PBRM1: variants seen among roughly 807,000 people sequenced by gnomAD.
PBRM1 encodes polybromo 1, also known as protein polybromo-1.
A neutral mutation model predicts 194.5 loss-of-function variants in PBRM1; 27 were observed. The observed-to-expected ratio is 0.14, with a 90% CI of 0.10 to 0.19. PBRM1 has a LOEUF of 0.19. Ranked by LOEUF, PBRM1 falls within the 10% of genes least tolerant of loss-of-function variation. PBRM1 has a pLI of 1.00. For missense variants in PBRM1, 1,466 were observed against 2,077.2 expected (o/e 0.71, Z 5.72); for synonymous variants, 655 against 693.2 (o/e 0.94, Z 0.87).
At chr3:52,647,486 A>G (rs1255120595) in intron 7 of PBRM1, among the ~76,000 whole-genome samples, 42 of 121,664 alleles carry the variant, frequency 3.5e-4, no homozygotes, top group Non-Finnish European at 6.5e-4. Flanking sequence ...ATATATATAT[A>G]TATGTAGTAT....
At chr3:52,647,780 C>T (rs1380016903) in intron 7 of PBRM1, among the ~76,000 whole-genome samples, 1 of 151,798 alleles carries the variant, frequency 6.6e-6, no homozygotes, top group East Asian at 1.9e-4. Context: ...TGGCAACAGG[C>T]AAACACAGAG....
At chr3:52,559,021 A>C (rs2082824101) in intron 25 of PBRM1, among the ~76,000 whole-genome samples, 1 of 152,224 alleles carries the variant, frequency 6.6e-6, no homozygotes, top group Admixed American at 6.5e-5. Context: ...TGAAGCAAAG[A>C]AGTCATGTTT....
At chr3:52,665,815 A>G (rs183258430) in intron 3 of PBRM1, among the ~76,000 whole-genome samples, 2 of 152,286 alleles carry the variant, frequency 1.3e-5, no homozygotes, top group African/African-American at 4.8e-5. Context: ...CTTGGGGACC[A>G]CTGTTCTATC....
chr3:52,639,194 T>G (rs961158263), intron 10 of PBRM1, among the ~76,000 whole-genome samples: 1 of 152,154 alleles, frequency 6.6e-6, no homozygotes, highest in African/African-American at 2.4e-5. Flanking sequence ...CAGGATGGTC[T>G]CGAACTCCCA....
At chr3:52,561,676 TG>T in intron 25 of PBRM1, 90 bp downstream of exon 27, 1 of 1,087,216 alleles carries the variant, frequency 9.2e-7, no homozygotes, top group Non-Finnish European at 1.4e-6. Context: ...CATGTGCAAG[TG>T]GTAAGAACAA....
chr3:52,556,519 C>T (rs2082257342), intron 26 of PBRM1, among the ~76,000 whole-genome samples: 2 of 152,174 alleles, frequency 1.3e-5, no homozygotes, highest in African/African-American at 4.8e-5. Context: ...CCCATCTGAA[C>T]GCAGCCTTCA....
chr3:52,657,714 C>T (rs1457386708), intron 5 of PBRM1, among the ~76,000 whole-genome samples: 1 of 152,094 alleles, frequency 6.6e-6, no homozygotes, highest in Non-Finnish European at 1.5e-5. Flanking sequence ...AGGTGATCTG[C>T]CTGTCTTGGC....
intron 10 of PBRM1, 105 bp downstream of exon 11, chr3:52,641,849 A>G (rs1478648866): frequency 1.3e-6 from 1 of 781,930 alleles, no homozygotes; most frequent in East Asian, 2.4e-5. Flanking sequence ...AATAGCATGT[A>G]CTTCCCAAAC....
chr3:52,597,876 G>C (rs2093690474), intron 17 of PBRM1, among the ~76,000 whole-genome samples: 1 of 152,116 alleles, frequency 6.6e-6, no homozygotes, highest in Admixed American at 6.5e-5. Flanking sequence ...GCTAATTTTT[G>C]TATTTTTAGT....
At chr3:52,586,230 G>C (rs1342052455) in intron 20 of PBRM1, 195 bp downstream of exon 22, 4 of 513,904 alleles carry the variant, frequency 7.8e-6, no homozygotes. Flanking sequence ...CAATGCACTT[G>C]GCCTGATTTA....
chr3:52,587,643 A>T, intron 18 of PBRM1, 133 bp from the exon 21 acceptor site: 2 of 667,186 alleles, frequency 3.0e-6, no homozygotes, highest in South Asian at 4.2e-5. Flanking sequence ...TTCCTGGGCC[A>T]AAGTGGTCCT....
chr3:52,553,972 C>T (rs60404983), intron 27 of PBRM1, among the ~76,000 whole-genome samples: 6,036 of 151,996 alleles, frequency 0.04, 407 homozygotes, highest in African/African-American at 0.14. Flanking sequence ...TAACACCTGG[C>T]TAATTTTTAT....
At chr3:52,625,022 GT>G in intron 13 of PBRM1, 81 bp from the exon 15 acceptor site, 1 of 937,078 alleles carries the variant, frequency 1.1e-6, no homozygotes, top group Non-Finnish European at 1.7e-6. Context: ...ACCATGTATG[GT>G]TGAAGAAAAA....
At chr3:52,563,493 T>C in exon 24 of PBRM1, 1 of 1,613,028 alleles carries the variant, frequency 6.2e-7, no homozygotes, top group Admixed American at 1.7e-5. Flanking sequence ...CAATTGGTTT[T>C]CTGAAAAAAG....
At chr3:52,593,745 G>T (rs541732486) in intron 17 of PBRM1, among the ~76,000 whole-genome samples, 53 of 152,238 alleles carry the variant, frequency 3.5e-4, no homozygotes, top group African/African-American at 1.2e-3. Context: ...GGTTTTGAGT[G>T]ATTTTGTCTT....
intron 20 of PBRM1, among the ~76,000 whole-genome samples, chr3:52,581,906 G>C (rs1174354577): frequency 1.3e-5 from 2 of 152,096 alleles, no homozygotes; most frequent in African/African-American, 4.8e-5. Context: ...AAAGTGATGG[G>C]ATTACAGGCA....
intron 15 of PBRM1, 77 bp from the exon 18 acceptor site, chr3:52,610,032 A>AATTACTTGGAATCGTCCCTTGT: frequency 1.2e-6 from 1 of 850,660 alleles, no homozygotes; most frequent in Non-Finnish European, 1.7e-6. Flanking sequence ...CATAACCACA[A>AATTACTTGGAATCGTCCCTTGT]GGGACGATTC....
intron 2 of PBRM1, among the ~76,000 whole-genome samples, chr3:52,675,619 C>T (rs1052112290): frequency 6.6e-6 from 1 of 152,166 alleles, no homozygotes; most frequent in Non-Finnish European, 1.5e-5. Context: ...TATTTTGCCA[C>T]TGAATATGTT....
Position 52,679,554 on chromosome 3 carries a change from A to T in PBRM1, c.138+20T>A, listed in dbSNP as rs2154065320. The T allele has an allele frequency of 6.2e-7, 1 of 1,607,880 alleles. No individual in the cohort carries two copies. Among genetic ancestry groups the T allele is most frequent in the Non-Finnish European group, 8.5e-7 (1 of 1,176,582 alleles). ...ATTGTGGGAAGAGCAGGCAGAAACC[A>T]TGTAATCCAAGTTACTCACAGGATC... On this transcript the variant is annotated intron_variant, in intron 1 of 29. Transcript: ENST00000296302.
Sources: gnomAD v4.1 joint callset for allele counts (sites outside exome capture counted in the v4.1 genomes callset) on GRCh38, gnomAD v4.1.1 for gene constraint, MANE v1.5 for transcripts, NCBI Gene and HGNC (gene_info 2026-07-23, HGNC 2026-07-21) for gene names.